Variants in MYO1H observed in about 807,000 individuals in gnomAD.
MYO1H encodes the protein unconventional myosin-Ih.
Under a neutral mutation model 149.3 loss-of-function variants are expected in MYO1H, and 118 were observed. The ratio of observed to expected loss-of-function variants is 0.79; its 90% CI spans 0.68 to 0.92. The LOEUF is 0.92. MYO1H is among the 40% of genes least tolerant of loss of function. The probability of loss-of-function intolerance (pLI) is 0.00; values close to 1 mark genes in which losing one functional copy is unlikely to be tolerated. For missense variants in MYO1H, 1,212 were observed against 1,280.7 expected (o/e 0.95, Z 0.82); for synonymous variants, 447 against 465.2 (o/e 0.96, Z 0.50).
At chr12:109,368,542 G>C (rs1868915761) in intron 1 of MYO1H, among the ~76,000 whole-genome samples, 1 of 150,772 alleles carries the variant, frequency 6.6e-6, no homozygotes, top group African/African-American at 2.4e-5. Flanking sequence ...TTTAATCCCA[G>C]CTACTCGGGA....
the MYO1H span, among the ~76,000 whole-genome samples, chr12:109,339,630 G>T: frequency 6.6e-6 from 1 of 152,210 alleles, no homozygotes. Flanking sequence ...GATATAAAGA[G>T]CTCTTGCAAA....
At chr12:109,384,833 C>T (rs1005357861) in intron 1 of MYO1H, among the ~76,000 whole-genome samples, 4 of 152,186 alleles carry the variant, frequency 2.6e-5, no homozygotes, top group African/African-American at 9.7e-5. Flanking sequence ...ATCTCTGCAT[C>T]CTCCACCTGC....
In MYO1H at chr12:109,435,034, T is replaced by C. The variant is rs752258881; in HGVS notation, c.2064-3T>C. On this transcript the variant is annotated splice_polypyrimidine_tract_variant and splice_region_variant and intron_variant, in intron 20 of 31. Transcript: ENST00000310903. ...TAACAAAAACATTTCTTTTCACTTC[T>C]AGAACCAAAATATTCATTCGTTTCC... is the stretch of plus-strand genomic sequence containing the variant. The C allele has an allele frequency of 6.2e-7, 1 of 1,603,850 alleles. No individual in the cohort carries two copies. Among genetic ancestry groups the C allele is most frequent in the South Asian group, 1.1e-5 (1 of 88,642 alleles).
chr12:109,384,531 C>T (rs925812576), intron 1 of MYO1H, among the ~76,000 whole-genome samples: 1 of 152,110 alleles, frequency 6.6e-6, no homozygotes, highest in South Asian at 2.1e-4. Flanking sequence ...CTTTGATGGT[C>T]CATGTCACTC....
the MYO1H span, among the ~76,000 whole-genome samples, chr12:109,332,916 A>G: frequency 6.6e-6 from 1 of 152,184 alleles, no homozygotes; most frequent in Non-Finnish European, 1.5e-5. Flanking sequence ...TTTCTACACA[A>G]ATGTTCCCCA....
chr12:109,433,196 C>T (rs545561820), intron 20 of MYO1H, among the ~76,000 whole-genome samples, 186 bp downstream of exon 20: 1 of 152,204 alleles, frequency 6.6e-6, no homozygotes, highest in East Asian at 1.9e-4. Flanking sequence ...ATGGTGCTGC[C>T]GGTGGGAGGA....
chr12:109,326,593 C>T, the MYO1H span, among the ~76,000 whole-genome samples: 1 of 151,702 alleles, frequency 6.6e-6, no homozygotes, highest in Non-Finnish European at 1.5e-5. Flanking sequence ...ACAATCTTGG[C>T]TCACTGCAAC....
intron 1 of MYO1H, among the ~76,000 whole-genome samples, chr12:109,358,726 A>T (rs930254623): frequency 3.3e-5 from 5 of 151,528 alleles, no homozygotes; most frequent in Admixed American, 2.6e-4. Flanking sequence ...AAGCGATACC[A>T]TGAGCGTTTT....
At chr12:109,441,382 C>T (rs978966502) in intron 25 of MYO1H, among the ~76,000 whole-genome samples, 1 of 152,198 alleles carries the variant, frequency 6.6e-6, no homozygotes, top group African/African-American at 2.4e-5. Context: ...CTGGAAAATC[C>T]ACTTTCAGGA....
At chr12:109,313,350 G>A in the MYO1H span, among the ~76,000 whole-genome samples, 2 of 152,184 alleles carry the variant, frequency 1.3e-5, no homozygotes, top group Non-Finnish European at 2.9e-5. Context: ...GGTTTCCTAA[G>A]ATGTACAGTT....
chr12:109,400,289 G>T (rs906735684), intron 5 of MYO1H, among the ~76,000 whole-genome samples: 8 of 152,186 alleles, frequency 5.3e-5, no homozygotes, highest in African/African-American at 1.9e-4. Context: ...GAATTGTGGG[G>T]TTCTTACCAG....
intron 22 of MYO1H, 53 bp from the exon 23 acceptor site, chr12:109,438,483 G>A: frequency 1.4e-6 from 2 of 1,421,154 alleles, no homozygotes; most frequent in South Asian, 1.2e-5. Context: ...AAAGCCTTCT[G>A]TATTTCCATA....
the MYO1H span, among the ~76,000 whole-genome samples, chr12:109,313,623 A>T: frequency 6.6e-6 from 1 of 152,214 alleles, no homozygotes; most frequent in Non-Finnish European, 1.5e-5. Context: ...ATGTCTTTGC[A>T]CATTTGTGAT....
Position 109,407,924 on chromosome 12 carries a change from G to A in MYO1H, c.1155+11G>A, listed in dbSNP as rs1458561629. The stretch of plus-strand genomic sequence containing the variant: ...TCCTTAGTTAACAAGGTTGGTCAAC[G>A]CATTTTGGATCCCTTGCTCTTGCTC... On this transcript the variant is annotated intron_variant, in intron 10 of 31. Transcript: ENST00000310903. The A allele has an allele frequency of 6.2e-6, 10 of 1,613,720 alleles. No individual in the cohort carries two copies. Among genetic ancestry groups the A allele is most frequent in the African/African-American group, 4.0e-5 (3 of 74,922 alleles).
At chr12:109,334,686 C>T in the MYO1H span, among the ~76,000 whole-genome samples, 1 of 152,060 alleles carries the variant, frequency 6.6e-6, no homozygotes, top group African/African-American at 2.4e-5. Context: ...GATATTTTCC[C>T]TCTTCTTATA....
rs532944988 is a variant in MYO1H, at chr12:109,404,430, C to T, written c.849+350C>T. Among the ~76,000 whole-genome samples, 11 of 152,212 alleles carry T rather than the reference C, an allele frequency of 7.2e-5. No individual in the cohort carries two copies. The East Asian group carries it at 1.2e-3, about 16-fold the overall frequency. On this transcript the variant is annotated intron_variant, in intron 7 of 31. Coordinates refer to ENST00000310903, the Ensembl canonical transcript of MYO1H. ...CCGGGAGATGGAGGTTGCAATGAGC[C>T]GAGATTGTGCCACTGCACTCCAGCC...
At chr12:109,409,246 CTTTTTTTTTTTTT>C (rs66507410) in intron 10 of MYO1H, among the ~76,000 whole-genome samples, 29 of 47,852 alleles carry the variant, frequency 6.1e-4, no homozygotes, top group African/African-American at 1.2e-3. Context: ...TCTTCTTCTT[CTTTTTTTTTTTTT>C]TTTTTTTTTT....
intron 7 of MYO1H, among the ~76,000 whole-genome samples, chr12:109,405,513 G>A (rs1234608858): frequency 2.6e-5 from 4 of 152,092 alleles, no homozygotes; most frequent in African/African-American, 9.7e-5. Flanking sequence ...GTTTCACCAT[G>A]TTGGCCAGAT....
intron 13 of MYO1H, 140 bp from the exon 14 acceptor site, chr12:109,411,754 C>T: frequency 3.5e-6 from 2 of 572,530 alleles, no homozygotes; most frequent in South Asian, 4.9e-5. Flanking sequence ...GCCCTTCTTC[C>T]CCCCAGAATG....
Sources: gnomAD v4.1 joint callset for allele counts (sites outside exome capture counted in the v4.1 genomes callset) on GRCh38, gnomAD v4.1.1 for gene constraint, MANE v1.5 for transcripts, NCBI Gene and HGNC (gene_info 2026-07-23, HGNC 2026-07-21) for gene names.